The following ACOT9 variants were observed in gnomAD, a reference collection of about 807,000 sequenced individuals.
ACOT9 encodes the protein acyl-CoA thioesterase 9.
In ACOT9, 34 loss-of-function variants were observed where a neutral mutation model predicts 39.7. The observed-to-expected ratio is 0.86, with a 90% CI of 0.65 to 1.14. ACOT9 has a LOEUF of 1.14. ACOT9 is among the 50% of genes most tolerant of loss of function. ACOT9 has a pLI of 0.00. For missense variants in ACOT9, 313 were observed against 344.1 expected, an observed-to-expected ratio of 0.91 and a Z score of 0.71; for synonymous variants, 110 against 120.5, an observed-to-expected ratio of 0.91 and a Z score of 0.57.
At chrX:23,732,622 C>T (rs1410569123) in intron 4 of ACOT9, among the ~76,000 whole-genome samples, 1 of 111,323 alleles carries the variant, frequency 9.0e-6, no homozygotes, top group Non-Finnish European at 1.9e-5. Context: ...AGTGATCACT[C>T]GTGTTTTTTC....
chrX:23,728,844 T>C (rs1929625809), intron 6 of ACOT9, among the ~76,000 whole-genome samples: 1 of 111,703 alleles, frequency 9.0e-6, no homozygotes, highest in Non-Finnish European at 1.9e-5. Context: ...TAGAATATTT[T>C]ATTGTGCCAG....
chrX:23,708,566 C>G (rs1467479437), intron 9 of ACOT9, among the ~76,000 whole-genome samples: 1 of 105,934 alleles, frequency 9.4e-6, no homozygotes, highest in Non-Finnish European at 2.0e-5. Flanking sequence ...AAAAAGAAAA[C>G]TGGCTTGAAC....
At chrX:23,738,378 G>C (rs1005479271) in intron 1 of ACOT9, among the ~76,000 whole-genome samples, 1 of 108,221 alleles carries the variant, frequency 9.2e-6, no homozygotes, top group South Asian at 4.2e-4. Flanking sequence ...GGAGGCTGAG[G>C]TGGGTAGATC....
chrX:23,711,720 A>G (rs1306800614), intron 9 of ACOT9, among the ~76,000 whole-genome samples: 2 of 112,046 alleles, frequency 1.8e-5, no homozygotes, highest in Non-Finnish European at 3.8e-5. Context: ...CAGAAGAGGA[A>G]AAACTGAACT....
At chrX:23,727,603 G>T (rs1410988313) in intron 6 of ACOT9, among the ~76,000 whole-genome samples, 1 of 110,154 alleles carries the variant, frequency 9.1e-6, no homozygotes, top group Non-Finnish European at 1.9e-5. Flanking sequence ...AGGATTACAG[G>T]TGTGAGCCAC....
intron 8 of ACOT9, among the ~76,000 whole-genome samples, chrX:23,714,669 G>C (rs772360520): frequency 9.0e-5 from 10 of 111,231 alleles, no homozygotes; most frequent in African/African-American, 2.3e-4. Flanking sequence ...CTATCACCCA[G>C]GTTGGAGTAC....
chrX:23,723,599 CAAAAAAAAAAAA>C (rs34401071), intron 6 of ACOT9, among the ~76,000 whole-genome samples: 2 of 54,417 alleles, frequency 3.7e-5, no homozygotes, highest in African/African-American at 7.1e-5. Context: ...AAGACTGTCT[CAAAAAAAAAAAA>C]AAAAAAAAAA....
At chrX:23,728,996 T>C (rs189187875) in intron 6 of ACOT9, among the ~76,000 whole-genome samples, 3 of 111,111 alleles carry the variant, frequency 2.7e-5, no homozygotes, top group East Asian at 5.6e-4. Context: ...TTCAGTAACA[T>C]AGGAATTCCT....
chrX:23,710,560 AATG>A (rs1569190869), intron 9 of ACOT9, among the ~76,000 whole-genome samples: 2 of 112,294 alleles, frequency 1.8e-5, no homozygotes, highest in African/African-American at 6.5e-5. Context: ...ATGAATTCAT[AATG>A]ATGCTTTTCT....
At position 23,721,954 on chromosome X, in the gene ACOT9, T is replaced by C. The variant is rs1299968848; in HGVS notation, c.515A>G (p.Gln172Arg). 2 of 1,210,257 alleles carry C rather than the reference T, an allele frequency of 1.7e-6. No homozygotes were observed. Among genetic ancestry groups the C allele is most frequent in the Admixed American group, 4.4e-5 (2 of 45,841 alleles). Residue 172 changes from glutamine to arginine, a missense_variant, in exon 8 of 16, where the codon CAG becomes CGG. Gln to Arg is a conservative substitution (Grantham distance 43). Transcript: ENST00000379303. The part of the protein sequence containing the change: ...DMCKKSLSPE[Q>R]DIKFSGHVSW... The stretch of plus-strand genomic sequence containing the variant: ...AACATGGCCACTGAACTTAATGTCC[T>C]GTTCTGGGCTCAAGCTCTTCTTACA...
At chrX:23,720,706 G>A (rs769793780) in intron 8 of ACOT9, among the ~76,000 whole-genome samples, 29 of 111,093 alleles carry the variant, frequency 2.6e-4, no homozygotes, top group Non-Finnish European at 4.7e-4. Flanking sequence ...CAAACTGTGA[G>A]TCAATACATT....
chrX:23,717,387 C>T (rs746136940), intron 8 of ACOT9, among the ~76,000 whole-genome samples: 7 of 111,702 alleles, frequency 6.3e-5, no homozygotes, highest in Non-Finnish European at 1.3e-4. Context: ...CTTTGGAAGA[C>T]TTATGTGGTA....
In ACOT9 at chrX:23,730,838, A is replaced by C. The variant is rs1285226875; in HGVS notation, c.340T>G (p.Leu114Val). The change falls in exon 5 of 16, where the codon TTG becomes GTG. Residue 114 changes from leucine to valine, a missense_variant. By Grantham distance (32) the Leu-to-Val change is conservative. Transcript: ENST00000379303. ...TACCTTACGGTGTTTTGAACAGTCAAATATTTCTCTCGTAATTCAGGCTCA... is the reference window on the plus strand; with the variant it reads ...TACCTTACGGTGTTTTGAACAGTCACATATTTCTCTCGTAATTCAGGCTCA... ...GSEPELREKY[L>V]TVQNTVRFGR... is the part of the protein sequence containing the mutation. 6.6e-6 allele frequency: 8 copies of C among 1,207,579 alleles called. No individual in the cohort carries two copies. The highest frequency in any genetic ancestry group is 8.9e-6 in the Non-Finnish European group (8 of 893,967).
intron 8 of ACOT9, among the ~76,000 whole-genome samples, chrX:23,715,165 C>T (rs983207256): frequency 9.0e-6 from 1 of 111,212 alleles, no homozygotes; most frequent in Non-Finnish European, 1.9e-5. Flanking sequence ...ATCCTGTTAG[C>T]GTGGCATATA....
At chrX:23,714,908 C>T (rs1425195051) in intron 8 of ACOT9, among the ~76,000 whole-genome samples, 1 of 111,531 alleles carries the variant, frequency 9.0e-6, no homozygotes, top group Non-Finnish European at 1.9e-5. Context: ...AGCCACCATG[C>T]CTGGGCCTTA....
chrX:23,732,014 G>C (rs752489050), intron 4 of ACOT9, among the ~76,000 whole-genome samples: 32 of 111,827 alleles, frequency 2.9e-4, no homozygotes, highest in African/African-American at 1.0e-3. Flanking sequence ...ATAGAGGAAT[G>C]AGTTAAATGA....
At chrX:23,706,991 C>A in intron 10 of ACOT9, 1 of 247,836 alleles carries the variant, frequency 4.0e-6, no homozygotes, top group Non-Finnish European at 7.1e-6. Flanking sequence ...ATGCATTTCT[C>A]ACTTCATTAA....
Position 23,702,087 on chromosome X carries a change from A to C in ACOT9, c.*1807T>G, listed in dbSNP as rs1928501448. ...AACTCTGTCTCACACACACACACAC[A>C]CACAAAAATACTTTCCACCTAATTC... On this transcript the variant is annotated 3_prime_UTR_variant, in exon 16 of 16. Coordinates refer to ENST00000379303, the MANE Select transcript of ACOT9 (RefSeq NM_001037171.2). Among the ~76,000 whole-genome samples, 1 of 108,624 alleles carries C rather than the reference A, an allele frequency of 9.2e-6. No individual in the cohort carries two copies. Among genetic ancestry groups the C allele is most frequent in the South Asian group, 4.0e-4 (1 of 2,481 alleles). 94.3% of individuals were successfully genotyped at this position (108,624 alleles called of 115,157 possible). A position where few individuals can be genotyped will look rare whatever the true frequency, so the allele number is the denominator to read the frequency against.
rs1376411448 is a variant in ACOT9 at position 23,702,242 on chromosome X, G to A, written c.*1652C>T. On this transcript the variant is annotated 3_prime_UTR_variant, in exon 16 of 16. Transcript: ENST00000379303. ...TTCCTGTCAAAAAAGGAACGGTCTT[G>A]GCTACAGATTTTTTTTTTTTTTTTT... 1.0e-5 allele frequency: 1 copy of A among 99,276 alleles called. No homozygotes were observed. The highest frequency in any genetic ancestry group is 3.2e-4 in the East Asian group (1 of 3,091). 8.2% of individuals were successfully genotyped at this position (99,276 alleles called of 1,213,427 possible).
Sources: allele counts gnomAD v4.1 joint callset (sites outside exome capture counted in the v4.1 genomes callset), GRCh38; gene constraint gnomAD v4.1.1; transcripts MANE v1.5; gene names NCBI Gene and HGNC (gene_info 2026-07-23, HGNC 2026-07-21).